Variants in RAI2 observed in about 807,000 individuals in gnomAD.
RAI2 encodes retinoic acid induced 2, also known as retinoic acid-induced protein 2.
A neutral mutation model predicts 15.3 loss-of-function variants in RAI2; 5 were observed. The observed-to-expected ratio is 0.33, with a 90% confidence interval of 0.17 to 0.69. The LOEUF (loss-of-function observed/expected upper bound fraction) is 0.69, where lower values mean the gene tolerates loss of function less well. Among genes scored for constraint, RAI2 ranks in the 30% least tolerant of loss-of-function variants. The pLI is 0.69. For missense variants in RAI2, 424 were observed against 424.7 expected (o/e 1.00, Z 0.01); for synonymous variants, 191 against 184.0 (o/e 1.04, Z -0.31).
chrX:17,809,707 G>A (rs2067022410), intron 1 of RAI2, among the ~76,000 whole-genome samples: 3 of 110,708 alleles, frequency 2.7e-5, no homozygotes, highest in Admixed American at 9.5e-5. Flanking sequence ...GGCCCAGGGA[G>A]ACTTCCAGGG....
intron 1 of RAI2, among the ~76,000 whole-genome samples, chrX:17,819,813 G>A (rs1478090826): frequency 1.8e-5 from 2 of 112,167 alleles, no homozygotes; most frequent in African/African-American, 6.5e-5. Context: ...GGTTGCTCCA[G>A]GGAGGGAGGA....
chrX:17,839,989 C>T (rs774279275), intron 1 of RAI2, among the ~76,000 whole-genome samples: 3 of 112,332 alleles, frequency 2.7e-5, no homozygotes, highest in Admixed American at 9.4e-5. Flanking sequence ...TGTGTGTACA[C>T]GTGTGTGTGT....
At chrX:17,811,917 A>C (rs2067053894) in intron 1 of RAI2, among the ~76,000 whole-genome samples, 1 of 110,709 alleles carries the variant, frequency 9.0e-6, no homozygotes, top group Non-Finnish European at 1.9e-5. Flanking sequence ...CTCTCTGTGT[A>C]AAATGATTAA....
In RAI2 at chrX:17,825,539, C is replaced by G. The variant is rs59802426; in HGVS notation, c.-24-23505G>C. On this transcript the variant is annotated intron_variant, in intron 1 of 1. Transcript: ENST00000451717. The stretch of plus-strand genomic sequence containing the variant: ...TCCTGAGTCACAGGCAGCCCTTGGC[C>G]TCAGCCAGCCATTCTGCAATGAACA... Among the ~76,000 whole-genome samples the G allele has an allele frequency of 9.5e-3, 1,072 of 112,497 alleles. 12 individuals carry two copies. Among genetic ancestry groups the G allele is most frequent in the African/African-American group, 0.032 (981 of 30,958 alleles).
Position 17,859,622 on chromosome X carries a change from A to T in RAI2, c.-25+1476T>A, listed in dbSNP as rs534159675. Among the ~76,000 whole-genome samples, 47 of 112,830 alleles carry T rather than the reference A, an allele frequency of 4.2e-4. 1 individual carries two copies. The South Asian group carries it at 0.017, about 41-fold the overall frequency. On this transcript the variant is annotated intron_variant, in intron 1 of 1. Transcript: ENST00000451717. The stretch of plus-strand genomic sequence containing the variant: ...GAATATCATTCTGTTGATGTCACTT[A>T]TCCTCAGCAAAATATTTACACATCC...
chrX:17,833,238 C>T (rs991777762), intron 1 of RAI2, among the ~76,000 whole-genome samples: 10 of 111,750 alleles, frequency 8.9e-5, no homozygotes, highest in African/African-American at 2.3e-4. Flanking sequence ...ATATGAATTT[C>T]GGGCTGGGCA....
chrX:17,811,148 G>A (rs1332312889), intron 1 of RAI2, among the ~76,000 whole-genome samples: 1 of 112,609 alleles, frequency 8.9e-6, no homozygotes, highest in Non-Finnish European at 1.9e-5. Context: ...TCTAGAGATG[G>A]CTGCTCCTGA....
At chrX:17,822,682 A>C (rs913107710) in intron 1 of RAI2, among the ~76,000 whole-genome samples, 2 of 112,556 alleles carry the variant, frequency 1.8e-5, no homozygotes, top group African/African-American at 6.5e-5. Flanking sequence ...TTTCTGAATC[A>C]TGGCTAGGCT....
chrX:17,839,152 C>T (rs1601928462), intron 1 of RAI2, among the ~76,000 whole-genome samples: 1 of 112,480 alleles, frequency 8.9e-6, no homozygotes, highest in Non-Finnish European at 1.9e-5. Context: ...ACCCCAAAAG[C>T]TGTCTGGGCA....
At chrX:17,835,858 A>G (rs1412269039) in intron 1 of RAI2, among the ~76,000 whole-genome samples, 2 of 112,478 alleles carry the variant, frequency 1.8e-5, no homozygotes, top group Non-Finnish European at 3.8e-5. Context: ...TTACAACTGA[A>G]TTTTGGAAAA....
At chrX:17,805,178 C>A (rs754370382) in intron 1 of RAI2, among the ~76,000 whole-genome samples, 19 of 112,991 alleles carry the variant, frequency 1.7e-4, no homozygotes, top group Admixed American at 3.7e-4. Flanking sequence ...GAAGGCCACG[C>A]CCCTCCATGC....
chrX:17,840,816 G>A (rs2067388094), intron 1 of RAI2, among the ~76,000 whole-genome samples: 1 of 112,023 alleles, frequency 8.9e-6, no homozygotes, highest in Non-Finnish European at 1.9e-5. Context: ...GACCAGAGGT[G>A]CACACATCCT....
chrX:17,818,604 T>C (rs1010836479), intron 1 of RAI2, among the ~76,000 whole-genome samples: 2 of 112,169 alleles, frequency 1.8e-5, no homozygotes, highest in Non-Finnish European at 3.8e-5. Context: ...TTTCAAGATA[T>C]ACGGATTGGC....
In RAI2 at chrX:17,832,765, T is replaced by C. The variant is rs978577498; in HGVS notation, c.-25+28333A>G. Among the ~76,000 whole-genome samples the C allele has an allele frequency of 7.1e-5, 8 of 112,129 alleles. No homozygotes were observed. In the East Asian group the frequency reaches 2.0e-3, roughly 28 times the overall value. ...CTAAAGCTCACCTTCTTTTCTCCCATATTAGGGTTAATGGAGGCTAGGCGC... is the reference window on the plus strand; with the variant it reads ...CTAAAGCTCACCTTCTTTTCTCCCACATTAGGGTTAATGGAGGCTAGGCGC... On this transcript the variant is annotated intron_variant, in intron 1 of 1. Transcript: ENST00000451717.
intron 1 of RAI2, among the ~76,000 whole-genome samples, chrX:17,831,592 T>G (rs759859629): frequency 1.4e-4 from 16 of 111,962 alleles, no homozygotes; most frequent in African/African-American, 5.2e-4. Context: ...ATCTGAAAAC[T>G]TGAAGAAGGT....
chrX:17,839,474 T>TA (rs1243888613), intron 1 of RAI2, among the ~76,000 whole-genome samples: 1 of 112,470 alleles, frequency 8.9e-6, no homozygotes, highest in African/African-American at 3.2e-5. Flanking sequence ...TCCTTGCTGT[T>TA]AGTCTTTGCC....
intron 1 of RAI2, among the ~76,000 whole-genome samples, chrX:17,829,983 C>T (rs1300772263): frequency 8.9e-6 from 1 of 112,785 alleles, no homozygotes; most frequent in Non-Finnish European, 1.9e-5. Context: ...AGACAGCACC[C>T]AGTACCCAGA....
At chrX:17,854,008 G>GT (rs1183388772) in intron 1 of RAI2, among the ~76,000 whole-genome samples, 2 of 111,750 alleles carry the variant, frequency 1.8e-5, no homozygotes, top group African/African-American at 3.3e-5. Context: ...ATTCTTTCCC[G>GT]TTTTTTGCTA....
chrX:17,838,826 A>G (rs2067366176), intron 1 of RAI2, among the ~76,000 whole-genome samples: 1 of 111,286 alleles, frequency 9.0e-6, no homozygotes. Flanking sequence ...CACATCACAC[A>G]TCATATACAC....
Sources: gnomAD v4.1 joint callset for allele counts (sites outside exome capture counted in the v4.1 genomes callset) on GRCh38, gnomAD v4.1.1 for gene constraint, MANE v1.5 for transcripts, NCBI Gene and HGNC (gene_info 2026-07-23, HGNC 2026-07-21) for gene names.